LHX3: variants seen among roughly 807,000 people sequenced by gnomAD.
LHX3 encodes LIM homeobox 3, also known as LIM/homeobox protein Lhx3.
LHX3 carries 21 observed loss-of-function variants against 32.4 expected under a neutral mutation model. The ratio of observed to expected loss-of-function variants is 0.65; its 90% confidence interval spans 0.46 to 0.93. LHX3 has a LOEUF of 0.93. LHX3 is among the 40% of genes least tolerant of loss of function. The probability of loss-of-function intolerance (pLI) is 0.00; values close to 1 mark genes in which losing one functional copy is unlikely to be tolerated. For missense variants in LHX3, 626 were observed against 560.0 expected, an observed-to-expected ratio of 1.12 and a Z score of -1.19; for synonymous variants, 258 against 246.8, an observed-to-expected ratio of 1.05 and a Z score of -0.43.
Position 136,198,649 on chromosome 9 carries a change from T to C in LHX3, c.775+3A>G. On this transcript the variant is annotated splice_donor_region_variant and intron_variant, in intron 5 of 5. Transcript: ENST00000371748. ...CCCCGAGCTCCGCGATCCCTCCGCCTACCGGGGAAGGAGACCTCAGCGTCG... is the reference window on the plus strand; with the variant it reads ...CCCCGAGCTCCGCGATCCCTCCGCCCACCGGGGAAGGAGACCTCAGCGTCG... 6.3e-7 allele frequency: 1 copy of C among 1,582,278 alleles called. No individual in the cohort carries two copies. Among genetic ancestry groups the C allele is most frequent in the Non-Finnish European group, 8.6e-7 (1 of 1,167,610 alleles).
rs1377238235 is a variant in LHX3 at position 136,196,696 on chromosome 9, C to T, written c.*629G>A. 2.0e-5 allele frequency: 3 copies of T among 153,370 alleles called. No individual in the cohort carries two copies. The highest frequency in any genetic ancestry group is 1.3e-4 in the Admixed American group (2 of 15,364). 9.5% of individuals were successfully genotyped at this position (153,370 alleles called of 1,614,324 possible). A position where few individuals can be genotyped will look rare whatever the true frequency, so the allele number is the denominator to read the frequency against. On this transcript the variant is annotated 3_prime_UTR_variant, in exon 6 of 6. Transcript: ENST00000371748. ...ATTTTTGCCTCCTCCACAGGATACTCGAGAACAGAATGATCTAGAGACCTG... is the reference window on the plus strand; with the variant it reads ...ATTTTTGCCTCCTCCACAGGATACTTGAGAACAGAATGATCTAGAGACCTG...
intron 1 of LHX3, chr9:136,201,497 C>T: frequency 2.5e-6 from 3 of 1,189,128 alleles, no homozygotes; most frequent in Non-Finnish European, 3.1e-6. Context: ...CAAGGGTGCC[C>T]TGTGGGAGCC....
chr9:136,199,455 G>T (rs1831582530), intron 3 of LHX3, among the ~76,000 whole-genome samples: 1 of 152,274 alleles, frequency 6.6e-6, no homozygotes, highest in African/African-American at 2.4e-5. Flanking sequence ...CCGACCAGGG[G>T]CGAAAAGCCG....
In LHX3 at chr9:136,199,537, T is replaced by G. The variant is rs942750313; in HGVS notation, c.454+141A>C. 2.4e-4 allele frequency: 215 copies of G among 904,832 alleles called. 4 individuals are homozygous for G. In the South Asian group the frequency reaches 2.8e-3, roughly 12 times the overall value. The allele number at this position is 904,832 out of a possible 1,614,324, so 56.1% of individuals were successfully genotyped here. ...GACTCCGCCGTTCCCGGCCTCGGCT[T>G]CCTGCTGCCTACACCGCCCTAGCCC... is the stretch of plus-strand genomic sequence containing the variant. On this transcript the variant is annotated intron_variant, in intron 3 of 5. Transcript: ENST00000371748.
In LHX3 at chr9:136,197,073, G is replaced by A; in HGVS notation, c.*252C>T. ...TGCTCAGTTAATTGGTCAATAAAGG[G>A]GAGAAATTTGCTTACAAAAAAGGCT... On this transcript the variant is annotated 3_prime_UTR_variant, in exon 6 of 6. Transcript: ENST00000371748. 1 of 588,734 alleles carries A rather than the reference G, an allele frequency of 1.7e-6. No homozygotes were observed. The highest frequency in any genetic ancestry group is 3.0e-6 in the Non-Finnish European group (1 of 329,486). The allele number at this position is 588,734 out of a possible 1,614,324, so 36.5% of individuals were successfully genotyped here.
chr9:136,205,113 G>C lies in LHX3; in HGVS notation c.-101C>G, dbSNP rs1831727731. The C allele has an allele frequency of 3.0e-6, 3 of 984,032 alleles. No individual in the cohort carries two copies. The highest frequency in any genetic ancestry group is 3.5e-5 in the African/African-American group (2 of 57,962). 61.0% of individuals were successfully genotyped at this position (984,032 alleles called of 1,614,324 possible). A position where few individuals can be genotyped will look rare whatever the true frequency, so the allele number is the denominator to read the frequency against. Reference sequence around the variant, plus strand: ...GTCCCGCCGCGTCGTGCGGGGCAGGGAGCCCGGGAGCCACTGGGCCTGGCG... The same window carrying C: ...GTCCCGCCGCGTCGTGCGGGGCAGGCAGCCCGGGAGCCACTGGGCCTGGCG... On this transcript the variant is annotated 5_prime_UTR_variant, in exon 1 of 6. Coordinates refer to ENST00000371748, the MANE Select transcript of LHX3 (RefSeq NM_178138.6).
rs753160072 is a variant in LHX3, at chr9:136,204,937, G to C, written c.76C>G (p.Arg26Gly). Reference protein sequence around the residue: ...AAAVCTLGGTREIPLCAGCDQ... With the variant: ...AAAVCTLGGTGEIPLCAGCDQ... ...TCAGTGTCCTGCTGGGGCTTACCCCGAGTCCCGCCCAAGGTGCAGACGGCG... is the reference window on the plus strand; with the variant it reads ...TCAGTGTCCTGCTGGGGCTTACCCCCAGTCCCGCCCAAGGTGCAGACGGCG... The change falls in exon 1 of 6, where the codon CGG (arginine) becomes GGG (glycine). Residue 26 changes from arginine (R) to glycine (G), a missense_variant. Arg to Gly is a moderately radical substitution (Grantham distance 125, BLOSUM62 -2). Transcript: ENST00000371748. 6.8e-5 allele frequency: 108 copies of C among 1,598,772 alleles called. No homozygotes were observed. In the Admixed American group the frequency reaches 1.8e-3, roughly 27 times the overall value.
At chr9:136,201,020 C>G in intron 1 of LHX3, 1 of 936,826 alleles carries the variant, frequency 1.1e-6, no homozygotes, top group Non-Finnish European at 1.6e-6. Context: ...CAGCCCAGGC[C>G]ATTTCACGAG....
chr9:136,201,874 C>G (rs1268707162), intron 1 of LHX3, among the ~76,000 whole-genome samples: 5 of 152,158 alleles, frequency 3.3e-5, no homozygotes, highest in Non-Finnish European at 5.9e-5. Flanking sequence ...GGACCCGGCT[C>G]GGAGCGGGGC....
intron 1 of LHX3, among the ~76,000 whole-genome samples, chr9:136,204,257 G>A (rs1831708494): frequency 6.6e-6 from 1 of 152,222 alleles, no homozygotes; most frequent in African/African-American, 2.4e-5. Context: ...TTGAGCAGTG[G>A]CCCATGCAGC....
At chr9:136,201,185 C>A in intron 1 of LHX3, 6 of 1,354,916 alleles carry the variant, frequency 4.4e-6, no homozygotes, top group Non-Finnish European at 5.7e-6. Context: ...GGCACCCCAT[C>A]GGGTCTCCTT....
chr9:136,205,037 G>A lies in LHX3; in HGVS notation c.-25C>T, dbSNP rs1218180876. 2.6e-6 allele frequency: 4 copies of A among 1,556,742 alleles called. No individual in the cohort carries two copies. Among genetic ancestry groups the A allele is most frequent in the Non-Finnish European group, 3.5e-6 (4 of 1,155,672 alleles). On this transcript the variant is annotated 5_prime_UTR_variant, in exon 1 of 6. Transcript: ENST00000371748. Reference sequence around the variant, plus strand: ...TCGCGGCCACCAGGCCGAGTGGCGCGAGACGCGCTCCTCCTAGGTCAGCGT... The same window carrying A: ...TCGCGGCCACCAGGCCGAGTGGCGCAAGACGCGCTCCTCCTAGGTCAGCGT...
intron 1 of LHX3, chr9:136,201,093 A>G: frequency 8.6e-6 from 12 of 1,397,656 alleles, no homozygotes; most frequent in Non-Finnish European, 1.1e-5. Context: ...GCTCAAATGA[A>G]AACCCCACCC....
chr9:136,202,825 GGGGTCCTCGCGCCCACTCC>G lies in LHX3; in HGVS notation c.79+2090_80-2073del. On this transcript the variant is annotated intron_variant, in intron 1 of 5. Transcript: ENST00000371748. ...TGAGGCGCCCAGGCGCGGACGTTCC[GGGGTCCTCGCGCCCACTCC>G]CGCCCAGATCCTCTAGCTCCTGCCA... 2.5e-6 allele frequency: 3 copies of G among 1,181,956 alleles called. No homozygotes were observed. In the Admixed American group the frequency reaches 6.0e-5, roughly 24 times the overall value. 73.2% of individuals were successfully genotyped at this position (1,181,956 alleles called of 1,614,324 possible).
In LHX3 at chr9:136,198,678, T is replaced by C; in HGVS notation, c.749A>G (p.Asp250Gly). 6.2e-7 allele frequency: 1 copy of C among 1,608,264 alleles called. No individual in the cohort carries two copies. The highest frequency in any genetic ancestry group is 8.5e-7 in the Non-Finnish European group (1 of 1,178,758). ...SDKDSVQEGQ[D>G]SDAEVSFPDE... Reference sequence around the variant, plus strand: ...GGGGAAGGAGACCTCAGCGTCGCTGTCCTGCCCCTCCTGAACGCTGTCCTT... The same window carrying C: ...GGGGAAGGAGACCTCAGCGTCGCTGCCCTGCCCCTCCTGAACGCTGTCCTT... The change falls in exon 5 of 6, where the codon GAC (aspartate) becomes GGC (glycine). Residue 250 changes from aspartate to glycine, a missense_variant. Physicochemically the swap from Asp to Gly is moderately conservative, Grantham distance 94 (BLOSUM62 -1). Transcript: ENST00000371748.
rs1308078157 is a variant in LHX3, at chr9:136,200,092, C to G, written c.252-212G>C. On this transcript the variant is annotated intron_variant, in intron 2 of 5. Transcript: ENST00000371748. ...CAATCTCAGAAAGACCTCGGGGAGC[C>G]CAGCCGCCATTGCCTGCAGGACCCA... is the stretch of plus-strand genomic sequence containing the variant. The G allele has an allele frequency of 4.4e-6, 3 of 683,022 alleles. No individual in the cohort carries two copies. The Admixed American group carries it at 6.5e-5, about 15-fold the overall frequency. 42.3% of individuals were successfully genotyped at this position (683,022 alleles called of 1,614,324 possible). A position where few individuals can be genotyped will look rare whatever the true frequency, so the allele number is the denominator to read the frequency against.
chr9:136,201,315 C>T (rs2131037265), intron 1 of LHX3: 1 of 1,255,816 alleles, frequency 8.0e-7, no homozygotes, highest in East Asian at 3.0e-5. Context: ...CATTGGGCAG[C>T]CGCAAAATTA....
rs761391565 is a variant in LHX3 at position 136,199,804 on chromosome 9, C to T, written c.328G>A (p.Val110Met). 11 of 1,612,458 alleles carry T rather than the reference C, an allele frequency of 6.8e-6. No individual in the cohort carries two copies. The highest frequency in any genetic ancestry group is 1.7e-5 in the Admixed American group (1 of 59,968). ...CAGGCAAAGCAGTGCAGGTGGTACACGAAGTCCTGGGCGCGGCGCACCACC... is the reference window on the plus strand; with the variant it reads ...CAGGCAAAGCAGTGCAGGTGGTACATGAAGTCCTGGGCGCGGCGCACCACC... ...TQVVRRAQDF[V>M]YHLHCFACVV... Residue 110 changes from valine (V) to methionine (M), a missense_variant, in exon 3 of 6, where the codon GTG becomes ATG. By Grantham distance (21) the Val-to-Met change is conservative. Transcript: ENST00000371748.
chr9:136,202,939 C>T lies in LHX3; in HGVS notation c.79+1995G>A, dbSNP rs1794439518. 2.0e-6 allele frequency: 3 copies of T among 1,532,272 alleles called. No individual in the cohort carries two copies. Among genetic ancestry groups the T allele is most frequent in the Non-Finnish European group, 2.6e-6 (3 of 1,145,580 alleles). 94.9% of individuals were successfully genotyped at this position (1,532,272 alleles called of 1,614,324 possible). ...CCCCGGTGCAGCCACTCGGCCCGGG[C>T]ACCCACCTCGGCGCAGGTCCGCCCT... On this transcript the variant is annotated intron_variant, in intron 1 of 5. Transcript: ENST00000371748.
Sources: gnomAD v4.1 joint callset for allele counts (sites outside exome capture counted in the v4.1 genomes callset) on GRCh38, gnomAD v4.1.1 for gene constraint, MANE v1.5 for transcripts, NCBI Gene and HGNC (gene_info 2026-07-23, HGNC 2026-07-21) for gene names.